Variants in FBXO22 observed in about 807,000 individuals in gnomAD.
FBXO22 encodes the protein F-box protein 22.
In FBXO22, 13 loss-of-function variants were observed where a neutral mutation model predicts 37.2. The ratio of observed to expected loss-of-function variants is 0.35; its 90% CI spans 0.23 to 0.56. FBXO22 has a LOEUF of 0.56. Among genes scored for constraint, FBXO22 ranks in the 20% least tolerant of loss-of-function variants. The pLI is 0.87. For missense variants in FBXO22, 446 were observed against 509.9 expected, an observed-to-expected ratio of 0.87 and a Z score of 1.21; for synonymous variants, 189 against 189.1, an observed-to-expected ratio of 1.00 and a Z score of 0.00.
intron 5 of FBXO22, among the ~76,000 whole-genome samples, chr15:75,924,983 A>G (rs1308665988): frequency 6.6e-6 from 1 of 152,132 alleles, no homozygotes; most frequent in Non-Finnish European, 1.5e-5. Context: ...ATTTGCGGAG[A>G]GTCCCATTAG....
intron 5 of FBXO22, among the ~76,000 whole-genome samples, chr15:75,917,917 TC>T (rs1407084831): frequency 1.3e-5 from 2 of 152,132 alleles, no homozygotes; most frequent in Non-Finnish European, 2.9e-5. Flanking sequence ...CTGGGAAACA[TC>T]CTGCAGGTAG....
chr15:75,908,417 C>T (rs1899975923), intron 2 of FBXO22, among the ~76,000 whole-genome samples: 1 of 151,954 alleles, frequency 6.6e-6, no homozygotes, highest in East Asian at 1.9e-4. Context: ...GGACTACAGG[C>T]GCATGCAGCC....
intron 1 of FBXO22, 95 bp from the exon 2 acceptor site, chr15:75,904,396 C>G (rs912277975): frequency 2.1e-5 from 33 of 1,574,708 alleles, no homozygotes; most frequent in Non-Finnish European, 2.6e-5. Flanking sequence ...CCGCAGGGAT[C>G]TCCTGCTGCT....
intron 1 of FBXO22, 23 bp from the exon 2 acceptor site, chr15:75,904,468 C>T (rs1424821719): frequency 4.3e-6 from 7 of 1,613,588 alleles, no homozygotes; most frequent in South Asian, 3.3e-5. Context: ...CGTTCGCAAT[C>T]CTTTGTGCGT....
In FBXO22 at chr15:75,940,118, A is replaced by G. The variant is rs1160782082; in HGVS notation, c.*7016A>G. 8.1e-6 allele frequency: 1 copy of G among 123,240 alleles called. No individual in the cohort carries two copies. The highest frequency in any genetic ancestry group is 1.8e-5 in the Non-Finnish European group (1 of 54,554). The allele number at this position is 123,240 out of a possible 1,614,324, so 7.6% of individuals were successfully genotyped here. On this transcript the variant is annotated 3_prime_UTR_variant, in exon 7 of 7. Transcript: ENST00000308275. ...AACCCGAAAGATTCCACACCAAAAA[A>G]AAAAAATAACTGTTAATTCAGTAAG...
chr15:75,931,324 G>C (rs925677543), intron 6 of FBXO22, among the ~76,000 whole-genome samples: 5 of 151,962 alleles, frequency 3.3e-5, no homozygotes, highest in African/African-American at 1.2e-4. Context: ...TTTTAATGTG[G>C]TCTTCATACT....
chr15:75,904,275 C>A (rs1350271083), intron 1 of FBXO22, 172 bp downstream of exon 1: 12 of 1,131,958 alleles, frequency 1.1e-5, no homozygotes, highest in Non-Finnish European at 1.2e-6. Context: ...CGTGGTGCCC[C>A]GGGGGGACTT....
Position 75,916,401 on chromosome 15 carries a change from C to G in FBXO22, c.464-829C>G, listed in dbSNP as rs552829008. On this transcript the variant is annotated intron_variant, in intron 4 of 6. Transcript: ENST00000308275. ...TCTCTGAAGCTTACTTACAGCTGCT[C>G]TCTCACTGTGTTCTCATGTGGCCTT... Among the ~76,000 whole-genome samples the G allele has an allele frequency of 3.3e-5, 5 of 152,316 alleles. No homozygotes were observed. The South Asian group carries it at 6.2e-4, about 19-fold the overall frequency.
At chr15:75,912,251 C>A (rs1239337615) in intron 2 of FBXO22, among the ~76,000 whole-genome samples, 1 of 151,972 alleles carries the variant, frequency 6.6e-6, no homozygotes, top group Non-Finnish European at 1.5e-5. Flanking sequence ...GTGTCTCTGC[C>A]AGGTTTTGGT....
At chr15:75,904,399 C>T in intron 1 of FBXO22, 92 bp from the exon 2 acceptor site, 1 of 1,583,164 alleles carries the variant, frequency 6.3e-7, no homozygotes, top group Admixed American at 1.8e-5. Context: ...CAGGGATCTC[C>T]TGCTGCTGCG....
rs1052116355 is a variant in FBXO22 at position 75,936,415 on chromosome 15, A to G, written c.*3313A>G. 3 of 152,214 alleles carry G rather than the reference A, an allele frequency of 2.0e-5. No individual in the cohort carries two copies. The highest frequency in any genetic ancestry group is 7.2e-5 in the African/African-American group (3 of 41,458). 9.4% of individuals were successfully genotyped at this position (152,214 alleles called of 1,614,324 possible). A position where few individuals can be genotyped will look rare whatever the true frequency, so the allele number is the denominator to read the frequency against. ...AGAAAGTTACTTTAATATTGACCCT[A>G]TATAGGGAAGAATAATCAAATATTT... On this transcript the variant is annotated 3_prime_UTR_variant, in exon 7 of 7. Transcript: ENST00000308275.
chr15:75,928,030 T>A (rs2029879272), intron 5 of FBXO22, among the ~76,000 whole-genome samples: 1 of 151,998 alleles, frequency 6.6e-6, no homozygotes, highest in South Asian at 2.1e-4. Flanking sequence ...ATTAGAGAAA[T>A]GCAAATCAAA....
chr15:75,908,550 G>A (rs536915792), intron 2 of FBXO22, among the ~76,000 whole-genome samples: 5 of 152,110 alleles, frequency 3.3e-5, no homozygotes, highest in African/African-American at 7.2e-5. Flanking sequence ...TATTACAGGC[G>A]TGAGCCACTG....
chr15:75,924,787 G>A (rs1232907983), intron 5 of FBXO22, among the ~76,000 whole-genome samples: 1 of 152,154 alleles, frequency 6.6e-6, no homozygotes, highest in Non-Finnish European at 1.5e-5. Context: ...TTCAGCTTGA[G>A]AGCCAGAGCC....
At chr15:75,918,780 G>T (rs964630867) in intron 5 of FBXO22, among the ~76,000 whole-genome samples, 2 of 152,170 alleles carry the variant, frequency 1.3e-5, no homozygotes, top group African/African-American at 2.4e-5. Context: ...CTCATGTGTG[G>T]AATCTAAAAA....
At chr15:75,917,055 A>G (rs563916918) in intron 4 of FBXO22, among the ~76,000 whole-genome samples, 175 bp from the exon 5 acceptor site, 3 of 152,328 alleles carry the variant, frequency 2.0e-5, no homozygotes, top group South Asian at 2.1e-4. Flanking sequence ...TTTCTTTCTG[A>G]ACCATTTGAA....
At position 75,939,136 on chromosome 15, in the gene FBXO22, C is replaced by G. The variant is rs2030680867; in HGVS notation, c.*6034C>G. On this transcript the variant is annotated 3_prime_UTR_variant, in exon 7 of 7. Transcript: ENST00000308275. ...TAATAAATTGAATAAAGATTAGAAACACTAGAGAAAAATCAGTGAAACTAC... is the reference window on the plus strand; with the variant it reads ...TAATAAATTGAATAAAGATTAGAAAGACTAGAGAAAAATCAGTGAAACTAC... 6.6e-6 allele frequency: 1 copy of G among 151,716 alleles called. No homozygotes were observed. The highest frequency in any genetic ancestry group is 6.6e-5 in the Admixed American group (1 of 15,234). 9.4% of individuals were successfully genotyped at this position (151,716 alleles called of 1,614,324 possible). A position where few individuals can be genotyped will look rare whatever the true frequency, so the allele number is the denominator to read the frequency against.
intron 2 of FBXO22, among the ~76,000 whole-genome samples, chr15:75,907,963 A>G (rs4886466): frequency 0.44 from 66,918 of 151,746 alleles, 15,664 homozygotes; most frequent in South Asian, 0.67. Flanking sequence ...AAATTTTTTT[A>G]AAGTCCACCA....
At position 75,903,889 on chromosome 15, in the gene FBXO22, G is replaced by T. The variant is rs529490017; in HGVS notation, c.-75G>T. The T allele has an allele frequency of 1.3e-4, 178 of 1,397,948 alleles. 1 individual carries two copies. The East Asian group carries it at 3.9e-3, about 31-fold the overall frequency. The allele number at this position is 1,397,948 out of a possible 1,614,324, so 86.6% of individuals were successfully genotyped here. A position where few individuals can be genotyped will look rare whatever the true frequency, so the allele number is the denominator to read the frequency against. On this transcript the variant is annotated 5_prime_UTR_variant, in exon 1 of 7. Coordinates refer to ENST00000308275, the MANE Select transcript of FBXO22 (RefSeq NM_147188.3). The stretch of plus-strand genomic sequence containing the variant: ...GCGGACGCCTGCTCAGTGCGCGCCG[G>T]CCGGGCAACCCTATGCTGGCGTAAT...
Sources: gnomAD v4.1 joint callset for allele counts (sites outside exome capture counted in the v4.1 genomes callset) on GRCh38, gnomAD v4.1.1 for gene constraint, MANE v1.5 for transcripts, NCBI Gene and HGNC (gene_info 2026-07-23, HGNC 2026-07-21) for gene names.